Variants in DMBT1 observed in about 807,000 individuals in gnomAD.
DMBT1 encodes deleted in malignant brain tumors 1, also known as scavenger receptor cysteine-rich domain-containing protein DMBT1.
A neutral mutation model predicts 252.9 loss-of-function variants in DMBT1; 198 were observed. The ratio of observed to expected loss-of-function variants is 0.78; its 90% CI spans 0.70 to 0.88. The LOEUF (loss-of-function observed/expected upper bound fraction) is 0.88, where lower values mean the gene tolerates loss of function less well. Among genes scored for constraint, DMBT1 ranks in the 40% least tolerant of loss-of-function variants. DMBT1 has a pLI of 0.00. For synonymous variants in DMBT1, 990 were observed against 942.7 expected, an observed-to-expected ratio of 1.05 and a Z score of -0.92; for missense variants, 2,432 against 2,404.7, an observed-to-expected ratio of 1.01 and a Z score of -0.24.
intron 40 of DMBT1, among the ~76,000 whole-genome samples, chr10:122,617,510 G>A (rs1033363332): frequency 6.6e-6 from 1 of 151,474 alleles, no homozygotes; most frequent in African/African-American, 2.4e-5. Context: ...TGCTCAGGAC[G>A]AGCACTGGAA....
chr10:122,565,014 T>C (rs2097578432), intron 1 of DMBT1, among the ~76,000 whole-genome samples: 1 of 140,054 alleles, frequency 7.1e-6, no homozygotes, highest in Non-Finnish European at 1.5e-5. Flanking sequence ...AAACAGACTA[T>C]GAAGAAAGTG....
chr10:122,631,914 C>T (rs2098168317), intron 50 of DMBT1, 39 bp downstream of exon 50: 1 of 1,607,002 alleles, frequency 6.2e-7, no homozygotes, highest in Non-Finnish European at 8.5e-7. Flanking sequence ...CCCTGGTCTC[C>T]AGGTCTCTCC....
chr10:122,577,208 C>A (rs1423391344), intron 7 of DMBT1, among the ~76,000 whole-genome samples: 7 of 152,198 alleles, frequency 4.6e-5, no homozygotes, highest in African/African-American at 1.4e-4. Context: ...AGGGACAGCA[C>A]GTTTTGGGGA....
chr10:122,569,285 C>A, intron 2 of DMBT1, among the ~76,000 whole-genome samples: 1 of 152,178 alleles, frequency 6.6e-6, no homozygotes, highest in Non-Finnish European at 1.5e-5. Flanking sequence ...GATGGAGGAA[C>A]TGCTGGTCCT....
chr10:122,598,133 G>A (rs941450146), intron 25 of DMBT1, 121 bp downstream of exon 25: 16 of 1,450,682 alleles, frequency 1.1e-5, no homozygotes, highest in Non-Finnish European at 1.2e-5. Context: ...CCTGTGGGTT[G>A]CATGGGAGGA....
At chr10:122,579,537 C>A (rs750863091) in intron 9 of DMBT1, 41 bp from the exon 10 acceptor site, 2 of 1,612,036 alleles carry the variant, frequency 1.2e-6, no homozygotes, top group Non-Finnish European at 1.7e-6. Flanking sequence ...TTCTTGACCT[C>A]ATGATAGGGA....
chr10:122,639,946 A>T, intron 54 of DMBT1, 94 bp from the exon 55 acceptor site: 1 of 1,430,732 alleles, frequency 7.0e-7, no homozygotes, highest in South Asian at 1.4e-5. Flanking sequence ...AGTCTTGTTG[A>T]GTCACGTCCC....
At chr10:122,570,852 G>T (rs41296139) in intron 3 of DMBT1, 38 bp from the exon 4 acceptor site, 74,385 of 1,606,056 alleles carry the variant, frequency 0.046, 2,074 homozygotes, top group Non-Finnish European at 0.053. Flanking sequence ...CCAAACAAGG[G>T]CTACCATCAA....
At chr10:122,570,965 G>A (rs1565568306) in intron 4 of DMBT1, 28 bp downstream of exon 4, 1 of 1,609,194 alleles carries the variant, frequency 6.2e-7, no homozygotes, top group Non-Finnish European at 8.5e-7. Flanking sequence ...GGATCCCTGT[G>A]GGCTCATTAC....
At chr10:122,573,569 G>A (rs751219346) in intron 5 of DMBT1, 146 bp from the exon 6 acceptor site, 44 of 990,286 alleles carry the variant, frequency 4.4e-5, no homozygotes, top group African/African-American at 9.6e-5. Context: ...ATGACAAAGC[G>A]ATTGGCACAT....
At position 122,579,587 on chromosome 10, in the gene DMBT1, C is replaced by A; in HGVS notation, c.689C>A (p.Ser230Tyr). Reference sequence around the variant, plus strand: ...TTGTGTTCCCCTGTAGGATCTGAATCCAGTTTGGCCCTGAGGCTGGTGAAT... The same window carrying A: ...TTGTGTTCCCCTGTAGGATCTGAATACAGTTTGGCCCTGAGGCTGGTGAAT... ...SPPVPTEGSE[S>Y]SLALRLVNGG... The change falls in exon 10 of 56, where the codon TCC becomes TAC. Residue 230 changes from serine (S) to tyrosine (Y), a missense_variant. Ser to Tyr is a moderately radical substitution (Grantham distance 144, BLOSUM62 -2). This residue lies in a region of DMBT1 where 1,264 missense variants were observed against 1,082.2 expected (regional missense o/e 1.17). Transcript: ENST00000338354. The A allele has an allele frequency of 6.2e-7, 1 of 1,613,228 alleles. No homozygotes were observed. Among genetic ancestry groups the A allele is most frequent in the Non-Finnish European group, 8.5e-7 (1 of 1,179,736 alleles).
In DMBT1 at chr10:122,576,658, C is replaced by T. The variant is rs1180159651; in HGVS notation, c.543C>T (p.Cys181=). The change falls in exon 7 of 56, where the codon TGC becomes TGT. Residue 181 remains cysteine (C), a synonymous_variant. Transcript: ENST00000338354. ...GACACGAATCCTACCTGTGGAGCTGCCCCCACAATGGCTGGCTCTCCCATA... is the reference window on the plus strand; with the variant it reads ...GACACGAATCCTACCTGTGGAGCTGTCCCCACAATGGCTGGCTCTCCCATA... The part of the protein sequence containing the change: ...CSGHESYLWS[C]PHNGWLSHNC... The T allele has an allele frequency of 6.2e-7, 1 of 1,613,774 alleles. No homozygotes were observed.
At chr10:122,630,579 A>C (rs1052497469) in intron 48 of DMBT1, 89 bp downstream of exon 48, 10 of 1,376,822 alleles carry the variant, frequency 7.3e-6, no homozygotes, top group African/African-American at 1.4e-5. Flanking sequence ...AGGAAATCAA[A>C]GAAGGGCCTC....
chr10:122,565,715 T>C (rs1181419605), intron 1 of DMBT1, among the ~76,000 whole-genome samples: 1 of 152,200 alleles, frequency 6.6e-6, no homozygotes, highest in Non-Finnish European at 1.5e-5. Context: ...CCATAAGCTG[T>C]AGTGTTAGGG....
intron 55 of DMBT1, among the ~76,000 whole-genome samples, chr10:122,641,320 T>A (rs1844486759): frequency 1.3e-5 from 2 of 152,160 alleles, no homozygotes. Flanking sequence ...TTGATAGATG[T>A]GTACCACACT....
chr10:122,567,517 C>A (rs1170859261), intron 2 of DMBT1, among the ~76,000 whole-genome samples: 7 of 152,138 alleles, frequency 4.6e-5, no homozygotes, highest in Admixed American at 4.6e-4. Context: ...CAACCTGCCC[C>A]CTCCCTTTGC....
At chr10:122,564,772 T>A (rs2097576146) in intron 1 of DMBT1, among the ~76,000 whole-genome samples, 1 of 152,188 alleles carries the variant, frequency 6.6e-6, no homozygotes, top group Admixed American at 6.5e-5. Context: ...ATTCTTGAAT[T>A]TGAGAAATTC....
intron 25 of DMBT1, among the ~76,000 whole-genome samples, chr10:122,598,241 A>G (rs2097903348): frequency 6.6e-6 from 1 of 152,056 alleles, no homozygotes; most frequent in Non-Finnish European, 1.5e-5. Flanking sequence ...AGTGGTCAGG[A>G]AACATCCTCA....
At chr10:122,573,881 G>A in intron 6 of DMBT1, 119 bp downstream of exon 6, 5 of 1,291,710 alleles carry the variant, frequency 3.9e-6, no homozygotes, top group Non-Finnish European at 5.6e-6. Flanking sequence ...TCCCACGAGG[G>A]GCCCTTCCAC....
Sources: allele counts gnomAD v4.1 joint callset (sites outside exome capture counted in the v4.1 genomes callset), GRCh38; gene constraint gnomAD v4.1.1; regional missense constraint gnomAD v4.1.1; transcripts MANE v1.5; gene names NCBI Gene and HGNC (gene_info 2026-07-23, HGNC 2026-07-21).